Variants in RGS17 observed in about 807,000 individuals in gnomAD.
RGS17 encodes regulator of G-protein signaling 17.
RGS17 carries 12 observed loss-of-function variants against 25.5 expected under a neutral mutation model. The ratio of observed to expected loss-of-function variants is 0.47; its 90% CI spans 0.30 to 0.76. RGS17 has a LOEUF of 0.76. RGS17 is among the 30% of genes least tolerant of loss of function. RGS17 has a pLI of 0.07. For synonymous variants in RGS17, 71 were observed against 76.9 expected, an observed-to-expected ratio of 0.92 and a Z score of 0.40; for missense variants, 196 against 242.2, an observed-to-expected ratio of 0.81 and a Z score of 1.27.
chr6:153,055,368 A>G (rs1390822568), intron 1 of RGS17, among the ~76,000 whole-genome samples: 1 of 152,212 alleles, frequency 6.6e-6, no homozygotes, highest in East Asian at 1.9e-4. Flanking sequence ...TGTAAAATGA[A>G]GCATAACTAT....
intron 1 of RGS17, among the ~76,000 whole-genome samples, chr6:153,087,682 T>C (rs1379693975): frequency 2.6e-5 from 4 of 152,160 alleles, no homozygotes; most frequent in Non-Finnish European, 5.9e-5. Flanking sequence ...CTCACCACTG[T>C]ATGTTGGGTG....
rs181340898 is a variant in RGS17, at chr6:153,094,827, T to G, written c.-26+36297A>C. On this transcript the variant is annotated intron_variant, in intron 1 of 4. Coordinates refer to ENST00000206262, the MANE Select transcript of RGS17 (RefSeq NM_012419.5). ...GGCTTTTATACCTTCTTTCAAAGAG[T>G]ATAACCAGTTTTATCAATGAAAGCT... 2.3e-3 allele frequency among the ~76,000 whole-genome samples: 346 copies of G among 152,246 alleles called. 2 individuals are homozygous for G. The highest frequency in any genetic ancestry group is 7.7e-3 in the African/African-American group (320 of 41,556).
Position 153,091,219 on chromosome 6 carries a change from CAT to C in RGS17, c.-26+39903_-26+39904del, listed in dbSNP as rs1777125120. 1.1e-4 allele frequency among the ~76,000 whole-genome samples: 16 copies of C among 152,254 alleles called. No homozygotes were observed. The South Asian group carries it at 3.1e-3, about 30-fold the overall frequency. On this transcript the variant is annotated intron_variant, in intron 1 of 4. Coordinates refer to ENST00000206262, the MANE Select transcript of RGS17 (RefSeq NM_012419.5). ...TAATCTTACTTCAGAATGATATTCA[CAT>C]GTTGTTGCTGCCTAGGAAAACAATC...
At chr6:153,014,739 A>C (rs752169903) in intron 4 of RGS17, among the ~76,000 whole-genome samples, 3 of 151,476 alleles carry the variant, frequency 2.0e-5, no homozygotes, top group African/African-American at 4.9e-5. Context: ...CAGAGCTTGC[A>C]GTGAGTCTTG....
At chr6:153,112,238 T>G (rs958589504) in intron 1 of RGS17, among the ~76,000 whole-genome samples, 1 of 152,144 alleles carries the variant, frequency 6.6e-6, no homozygotes, top group African/African-American at 2.4e-5. Context: ...GAAAGTGACC[T>G]GATGGCACTG....
At chr6:153,054,092 T>TTATATATATATGTATATATA in intron 1 of RGS17, among the ~76,000 whole-genome samples, 1 of 42,102 alleles carries the variant, frequency 2.4e-5, no homozygotes, top group Non-Finnish European at 3.8e-5. Flanking sequence ...ACAATATTTT[T>TTATATATATATGTATATATA]TATATATATA....
chr6:153,068,317 C>A (rs977736871), intron 1 of RGS17, among the ~76,000 whole-genome samples: 6 of 152,056 alleles, frequency 3.9e-5, no homozygotes, highest in African/African-American at 9.7e-5. Flanking sequence ...CATGGTGGTG[C>A]ATGCCTGCAG....
At chr6:153,126,682 C>G (rs1296438281) in intron 1 of RGS17, among the ~76,000 whole-genome samples, 1 of 152,142 alleles carries the variant, frequency 6.6e-6, no homozygotes, top group Non-Finnish European at 1.5e-5. Context: ...TTTCACCTAT[C>G]AAGTTAGCAA....
At chr6:153,069,025 C>A (rs1776745901) in intron 1 of RGS17, among the ~76,000 whole-genome samples, 2 of 152,130 alleles carry the variant, frequency 1.3e-5, no homozygotes, top group South Asian at 4.1e-4. Context: ...TTACTACAAC[C>A]ACTATGGAGA....
rs1777766370 is a variant in RGS17, at chr6:153,130,232, G to A, written c.-26+892C>T. On this transcript the variant is annotated intron_variant, in intron 1 of 4. Transcript: ENST00000206262. The surrounding 1 kb of genome is among the most constrained non-coding windows in gnomAD (Gnocchi z 6.4). ...GCAGCACTCGATGAGGGACAGCAGG[G>A]AGGCTGGCGGGGAGGCAGAGATTAA... Among the ~76,000 whole-genome samples, 4 of 152,208 alleles carry A rather than the reference G, an allele frequency of 2.6e-5. No homozygotes were observed. The South Asian group carries it at 8.3e-4, about 32-fold the overall frequency.
chr6:153,081,207 A>T (rs1172584147), intron 1 of RGS17, among the ~76,000 whole-genome samples: 2 of 152,050 alleles, frequency 1.3e-5, no homozygotes, highest in Non-Finnish European at 2.9e-5. Flanking sequence ...AAAATCTCCA[A>T]TTATTATTGT....
intron 2 of RGS17, among the ~76,000 whole-genome samples, chr6:153,027,671 G>A (rs3778245): frequency 0.068 from 10,404 of 152,164 alleles, 423 homozygotes; most frequent in South Asian, 0.18. Context: ...AGCAAAGTGA[G>A]GTGCAGACCC....
intron 2 of RGS17, among the ~76,000 whole-genome samples, chr6:153,041,184 A>G (rs1250355753): frequency 6.6e-6 from 1 of 152,096 alleles, no homozygotes; most frequent in Non-Finnish European, 1.5e-5. Context: ...AAATAAATAA[A>G]TAATAATCAA....
intron 1 of RGS17, among the ~76,000 whole-genome samples, chr6:153,108,375 C>T (rs1335269186): frequency 6.6e-6 from 1 of 152,082 alleles, no homozygotes; most frequent in Non-Finnish European, 1.5e-5. Context: ...CAGAAATGTA[C>T]CTCAGAATAC....
chr6:153,039,883 G>A (rs1043408370), intron 2 of RGS17, among the ~76,000 whole-genome samples: 3 of 152,170 alleles, frequency 2.0e-5, no homozygotes, highest in Non-Finnish European at 4.4e-5. Flanking sequence ...AGTTTGAGAG[G>A]AGCCTTCAGT....
intron 4 of RGS17, among the ~76,000 whole-genome samples, chr6:153,015,388 C>G (rs1041105475): frequency 3.3e-5 from 5 of 152,150 alleles, no homozygotes; most frequent in African/African-American, 4.8e-5. Flanking sequence ...ATCGATGTGG[C>G]AAACTTCATT....
intron 1 of RGS17, among the ~76,000 whole-genome samples, chr6:153,080,923 T>C (rs1776970051): frequency 6.6e-6 from 1 of 152,092 alleles, no homozygotes; most frequent in African/African-American, 2.4e-5. Flanking sequence ...CTCTTGTTAA[T>C]TTCTAATTTA....
chr6:153,036,268 G>A (rs569131513), intron 2 of RGS17, among the ~76,000 whole-genome samples: 2 of 152,182 alleles, frequency 1.3e-5, no homozygotes, highest in East Asian at 3.9e-4. Context: ...GCCTAGGCTG[G>A]TCTCGAACTC....
intron 2 of RGS17, among the ~76,000 whole-genome samples, chr6:153,034,798 T>C (rs1040442481): frequency 2.6e-5 from 4 of 152,214 alleles, no homozygotes; most frequent in Non-Finnish European, 4.4e-5. Context: ...CACATGAAGT[T>C]ACTGTTCCAC....
Sources: allele counts gnomAD v4.1 joint callset (sites outside exome capture counted in the v4.1 genomes callset), GRCh38; gene constraint gnomAD v4.1.1; non-coding constraint Gnocchi (gnomAD v3.1); transcripts MANE v1.5; gene names NCBI Gene and HGNC (gene_info 2026-07-23, HGNC 2026-07-21).